CD28: variants seen among roughly 807,000 people sequenced by gnomAD.
CD28 encodes T-cell-specific surface glycoprotein CD28.
Under a neutral mutation model 21.4 loss-of-function variants are expected in CD28, and 8 were observed. That is an observed-to-expected ratio of 0.37 (90% CI 0.22 to 0.68). The LOEUF (loss-of-function observed/expected upper bound fraction) is 0.68, where lower values mean the gene tolerates loss of function less well. CD28 is among the 30% of genes least tolerant of loss of function. The pLI, the probability that CD28 is intolerant of heterozygous loss-of-function variation, is 0.55. For missense variants in CD28, 239 were observed against 272.2 expected, an observed-to-expected ratio of 0.88 and a Z score of 0.86; for synonymous variants, 106 against 104.0, an observed-to-expected ratio of 1.02 and a Z score of -0.12.
intron 1 of CD28, among the ~76,000 whole-genome samples, chr2:203,706,978 T>C (rs1167556328): frequency 1.3e-5 from 2 of 152,012 alleles, no homozygotes; most frequent in Non-Finnish European, 2.9e-5. Flanking sequence ...TCTCTAGCTA[T>C]TAGTTGATAG....
chr2:203,706,494 T>C, upstream of CD28: 1 of 1,505,578 alleles, frequency 6.6e-7, no homozygotes, highest in Non-Finnish European at 9.0e-7. Context: ...CAAAACAACG[T>C]TATATCCTGT....
At chr2:203,730,816 T>A (rs1210164822) in intron 3 of CD28, among the ~76,000 whole-genome samples, 2 of 152,236 alleles carry the variant, frequency 1.3e-5, no homozygotes, top group African/African-American at 4.8e-5. Flanking sequence ...CTTTAAGGCA[T>A]AATCTGTATA....
chr2:203,731,816 A>C (rs1693901833), intron 3 of CD28, among the ~76,000 whole-genome samples: 2 of 152,154 alleles, frequency 1.3e-5, no homozygotes, highest in Non-Finnish European at 2.9e-5. Context: ...TGTTTTAAAA[A>C]AATTTTATTT....
intron 1 of CD28, among the ~76,000 whole-genome samples, chr2:203,708,205 C>T (rs913165436): frequency 1.7e-4 from 26 of 151,992 alleles, no homozygotes; most frequent in African/African-American, 6.3e-4. Flanking sequence ...CATATATACC[C>T]GTTTATTTTA....
chr2:203,717,154 A>C (rs1205739365), intron 1 of CD28, among the ~76,000 whole-genome samples: 2 of 152,124 alleles, frequency 1.3e-5, no homozygotes, highest in Non-Finnish European at 2.9e-5. Flanking sequence ...GCCTTTAGTA[A>C]ATTTATTAAT....
rs138244026 is a variant in CD28 at position 203,711,397 on chromosome 2, C to T, written c.52+4649C>T. Among the ~76,000 whole-genome samples, 806 of 152,266 alleles carry T rather than the reference C, an allele frequency of 5.3e-3. 6 individuals are homozygous for T. The highest frequency in any genetic ancestry group is 0.014 in the South Asian group (67 of 4,820). On this transcript the variant is annotated intron_variant, in intron 1 of 3. Transcript: ENST00000324106. Reference sequence around the variant, plus strand: ...ACTATTTCAATGTTAATTTCAAAGGCATGTTTATTTAGTCTCGTGTCACCA... The same window carrying T: ...ACTATTTCAATGTTAATTTCAAAGGTATGTTTATTTAGTCTCGTGTCACCA...
At chr2:203,718,984 G>C (rs1227112649) in intron 1 of CD28, among the ~76,000 whole-genome samples, 1 of 152,018 alleles carries the variant, frequency 6.6e-6, no homozygotes, top group Non-Finnish European at 1.5e-5. Context: ...GCCTTATCTG[G>C]GATCCATCTA....
intron 1 of CD28, among the ~76,000 whole-genome samples, chr2:203,725,887 CA>C (rs1160703793): frequency 6.6e-6 from 1 of 152,098 alleles, no homozygotes; most frequent in African/African-American, 2.4e-5. Context: ...AATTCCTTTA[CA>C]AAAACCTGTA....
chr2:203,732,561 A>C (rs982786481), intron 3 of CD28, among the ~76,000 whole-genome samples: 2 of 152,208 alleles, frequency 1.3e-5, no homozygotes. Flanking sequence ...ATTACCTTGC[A>C]TATGCCCTGT....
intron 1 of CD28, among the ~76,000 whole-genome samples, chr2:203,721,089 A>G (rs562232351): frequency 3.4e-4 from 52 of 152,344 alleles, no homozygotes; most frequent in Middle Eastern, 3.4e-3. Context: ...ACTCTAAACT[A>G]GGAGGCTGTT....
Position 203,736,386 on chromosome 2 carries a change from G to T in CD28, c.*1474G>T, listed in dbSNP as rs200173503. ...AAGTGGTCAGGCAGAAGGTGCCCTG[G>T]TGAGAGCTCCTTTACAGGGACTTTA... On this transcript the variant is annotated 3_prime_UTR_variant, in exon 4 of 4. Transcript: ENST00000324106. 1.3e-5 allele frequency: 2 copies of T among 152,654 alleles called. No individual in the cohort carries two copies. The highest frequency in any genetic ancestry group is 3.9e-4 in the East Asian group (2 of 5,186). The allele number at this position is 152,654 out of a possible 1,614,324, so 9.5% of individuals were successfully genotyped here.
chr2:203,712,136 G>A (rs1389563183), intron 1 of CD28, among the ~76,000 whole-genome samples: 1 of 152,080 alleles, frequency 6.6e-6, no homozygotes, highest in African/African-American at 2.4e-5. Context: ...AGGTTGCAGT[G>A]AGCAGAGATT....
At chr2:203,713,310 A>C (rs1693366002) in intron 1 of CD28, among the ~76,000 whole-genome samples, 1 of 152,192 alleles carries the variant, frequency 6.6e-6, no homozygotes, top group African/African-American at 2.4e-5. Flanking sequence ...GAGTTATGGG[A>C]ATGGATGGCT....
At chr2:203,730,639 A>G (rs1693866640) in intron 3 of CD28, among the ~76,000 whole-genome samples, 1 of 152,224 alleles carries the variant, frequency 6.6e-6, no homozygotes, top group African/African-American at 2.4e-5. Flanking sequence ...CAAACATAAA[A>G]GACTATTTCT....
intron 1 of CD28, among the ~76,000 whole-genome samples, chr2:203,715,031 T>G (rs1184085923): frequency 2.0e-5 from 3 of 152,310 alleles, no homozygotes; most frequent in Admixed American, 6.5e-5. Context: ...GTATGTGATT[T>G]AGGCAGAATG....
In CD28 at chr2:203,737,051, A is replaced by G. The variant is rs201487348; in HGVS notation, c.*2139A>G. The G allele has an allele frequency of 2.4e-4, 37 of 152,336 alleles. No individual in the cohort carries two copies. The South Asian group carries it at 7.2e-3, about 30-fold the overall frequency. 9.4% of individuals were successfully genotyped at this position (152,336 alleles called of 1,614,324 possible). A position where few individuals can be genotyped will look rare whatever the true frequency, so the allele number is the denominator to read the frequency against. On this transcript the variant is annotated 3_prime_UTR_variant, in exon 4 of 4. Coordinates refer to ENST00000324106, the MANE Select transcript of CD28 (RefSeq NM_006139.4). Reference sequence around the variant, plus strand: ...ATAATATGAGGACCTTTTAACTTCCATCATTTTCCTGTTTCTTGAAATAGT... The same window carrying G: ...ATAATATGAGGACCTTTTAACTTCCGTCATTTTCCTGTTTCTTGAAATAGT...
chr2:203,707,977 C>A (rs962163690), intron 1 of CD28, among the ~76,000 whole-genome samples: 1 of 152,222 alleles, frequency 6.6e-6, no homozygotes, highest in Non-Finnish European at 1.5e-5. Context: ...TAGAAAAAGG[C>A]CCCCGCTTGG....
At chr2:203,733,639 C>T (rs1282131581) in intron 3 of CD28, among the ~76,000 whole-genome samples, 4 of 152,000 alleles carry the variant, frequency 2.6e-5, no homozygotes, top group African/African-American at 4.8e-5. Context: ...GAAGGATGAG[C>T]TTGCAAAGGA....
chr2:203,712,466 T>C (rs1045959985), intron 1 of CD28, among the ~76,000 whole-genome samples: 10 of 152,308 alleles, frequency 6.6e-5, no homozygotes, highest in African/African-American at 2.2e-4. Context: ...AGAAGCCTTC[T>C]CTGAGACCCC....
Sources: gnomAD v4.1 joint callset for allele counts (sites outside exome capture counted in the v4.1 genomes callset) on GRCh38, gnomAD v4.1.1 for gene constraint, MANE v1.5 for transcripts, NCBI Gene and HGNC (gene_info 2026-07-23, HGNC 2026-07-21) for gene names.